The following NCR1 variants were observed in gnomAD, a reference collection of about 807,000 sequenced individuals.
NCR1 encodes natural cytotoxicity triggering receptor 1.
Under a neutral mutation model 32.5 loss-of-function variants are expected in NCR1, and 30 were observed. The ratio of observed to expected loss-of-function variants is 0.92; its 90% CI spans 0.69 to 1.25. The LOEUF (loss-of-function observed/expected upper bound fraction) is 1.25. Among genes scored for constraint, NCR1 ranks in the 50% most tolerant of loss-of-function variants. The probability of loss-of-function intolerance (pLI) is 0.00; values close to 1 mark genes in which losing one functional copy is unlikely to be tolerated. For synonymous variants in NCR1, 169 were observed against 143.4 expected, an observed-to-expected ratio of 1.18 and a Z score of -1.28; for missense variants, 369 against 380.7, an observed-to-expected ratio of 0.97 and a Z score of 0.26.
At chr19:54,919,921 T>G (rs2068215795), downstream of NCR1, among the ~76,000 whole-genome samples, 1 of 152,148 alleles carries the variant, frequency 6.6e-6, no homozygotes, top group Admixed American at 6.5e-5. Context: ...CACACCTCAC[T>G]ATGTCCCCTC....
chr19:54,937,664 G>A, the NCR1 span, among the ~76,000 whole-genome samples: 3 of 152,176 alleles, frequency 2.0e-5, no homozygotes, highest in South Asian at 4.2e-4. Context: ...TTGGAAGGCC[G>A]AGGCAGGCAA....
chr19:54,916,501 T>C (rs2068137238), downstream of NCR1, among the ~76,000 whole-genome samples: 1 of 150,636 alleles, frequency 6.6e-6, no homozygotes. Flanking sequence ...GTATTTTTAG[T>C]AGAGACGGGG....
the NCR1 span, among the ~76,000 whole-genome samples, chr19:54,937,263 A>G: frequency 3.9e-5 from 6 of 151,922 alleles, no homozygotes; most frequent in African/African-American, 1.4e-4. Context: ...AAAAACAACT[A>G]AGGGGTACTA....
chr19:54,916,329 T>TG (rs2068132965), downstream of NCR1, among the ~76,000 whole-genome samples: 1 of 142,152 alleles, frequency 7.0e-6, no homozygotes, highest in Non-Finnish European at 1.5e-5. Flanking sequence ...TTTTTTTTTT[T>TG]TTTTTTTTTG....
chr19:54,907,406 C>T (rs1278750220), intron 3 of NCR1, among the ~76,000 whole-genome samples: 2 of 150,210 alleles, frequency 1.3e-5, no homozygotes, highest in East Asian at 1.9e-4. Context: ...CCGCCTCACC[C>T]TCCCAAAGTG....
Position 54,906,227 on chromosome 19 carries a change from T to G in NCR1, c.34+6T>G, listed in dbSNP as rs1288369371. 5 of 1,614,138 alleles carry G rather than the reference T, an allele frequency of 3.1e-6. No individual in the cohort carries two copies. The highest frequency in any genetic ancestry group is 8.5e-7 in the Non-Finnish European group (1 of 1,180,036). On this transcript the variant is annotated splice_donor_region_variant and intron_variant, in intron 1 of 6. Transcript: ENST00000291890. The stretch of plus-strand genomic sequence containing the variant: ...CCCTGCCCTGCTCTGCGTCGGTGAG[T>G]TCTGGCGTGGAAGGGGAATGGGATC...
chr19:54,906,374 T>A (rs952796493), intron 2 of NCR1, 40 bp downstream of exon 2: 6 of 1,609,006 alleles, frequency 3.7e-6, no homozygotes, highest in Non-Finnish European at 5.1e-6. Flanking sequence ...CTCTTCCGGA[T>A]TCAGGCCAAG....
rs375046700 is a variant in NCR1, at chr19:54,912,720, A to G, written c.764A>G (p.Asn255Ser). The G allele has an allele frequency of 9.3e-6, 15 of 1,613,280 alleles. No individual in the cohort carries two copies. Among genetic ancestry groups the G allele is most frequent in the South Asian group, 3.3e-5 (3 of 91,038 alleles). ...DHALWDHTAQ[N>S]LLRMGLAFLV... ...GCCCTCTGGGATCACACTGCCCAGA[A>G]TCTCCTTCGGATGGGCCTGGCCTTT... is the stretch of plus-strand genomic sequence containing the variant. Residue 255 changes from asparagine to serine, a missense_variant, in exon 7 of 7, where the codon AAT (asparagine) becomes AGT (serine). Coordinates refer to ENST00000291890, the MANE Select transcript of NCR1 (RefSeq NM_004829.7).
At chr19:54,922,178 C>A in the NCR1 span, among the ~76,000 whole-genome samples, 1 of 152,122 alleles carries the variant, frequency 6.6e-6, no homozygotes, top group Admixed American at 6.6e-5. Flanking sequence ...CAGGTGTGAG[C>A]CACAGCGCCT....
chr19:54,911,687 T>G (rs2146085080), intron 5 of NCR1, among the ~76,000 whole-genome samples: 1 of 151,782 alleles, frequency 6.6e-6, no homozygotes, highest in African/African-American at 2.4e-5. Flanking sequence ...GAGGCGGAGG[T>G]TGCAGTGAGC....
chr19:54,929,396 G>GT, the NCR1 span, among the ~76,000 whole-genome samples: 39 of 103,942 alleles, frequency 3.8e-4, no homozygotes, highest in African/African-American at 1.2e-3. Flanking sequence ...GTGTTCTAGT[G>GT]TTTTTTTTCT....
At chr19:54,937,947 T>C in the NCR1 span, 2 of 805,498 alleles carry the variant, frequency 2.5e-6, no homozygotes. Flanking sequence ...CCCAAATACA[T>C]GGAGATGAAA....
chr19:54,915,023 G>T (rs775834), downstream of NCR1, among the ~76,000 whole-genome samples: 1 of 151,824 alleles, frequency 6.6e-6, no homozygotes, highest in Non-Finnish European at 1.5e-5. Flanking sequence ...GATTACAGGC[G>T]TGAGCCACTG....
chr19:54,908,299 T>C (rs1465943569), intron 3 of NCR1, among the ~76,000 whole-genome samples: 2 of 151,974 alleles, frequency 1.3e-5, no homozygotes, highest in Non-Finnish European at 2.9e-5. Context: ...GAGCACGGGG[T>C]TGGGGGTAAG....
the NCR1 span, chr19:54,923,794 A>G: frequency 1.2e-6 from 2 of 1,614,080 alleles, no homozygotes; most frequent in Non-Finnish European, 1.7e-6. Flanking sequence ...CATTGCAATC[A>G]ATAGTCAGCT....
rs768519312 is a variant in NCR1 at position 54,909,378 on chromosome 19, C to T, written c.489C>T (p.His163=). 2.5e-6 allele frequency: 4 copies of T among 1,613,956 alleles called. No homozygotes were observed. The highest frequency in any genetic ancestry group is 3.4e-6 in the Non-Finnish European group (4 of 1,180,036). ...FLLLKEGRSS[H]VQRGYGKVQA... ...TGCTCAAGGAGGGAAGATCCAGCCA[C>T]GTACAGCGCGGATACGGGAAGGTCC... Residue 163 remains histidine (H), a synonymous_variant, in exon 4 of 7, where the codon CAC becomes CAT. Coordinates refer to ENST00000291890, the MANE Select transcript of NCR1 (RefSeq NM_004829.7).
chr19:54,921,921 A>G, the NCR1 span, among the ~76,000 whole-genome samples: 1 of 148,768 alleles, frequency 6.7e-6, no homozygotes, highest in Non-Finnish European at 1.5e-5. Context: ...TCGAGACAAG[A>G]GTTTTGCTCT....
At chr19:54,923,001 G>C in the NCR1 span, among the ~76,000 whole-genome samples, 28 of 152,058 alleles carry the variant, frequency 1.8e-4, no homozygotes, top group African/African-American at 4.8e-4. Context: ...CACACACACA[G>C]AGAGTAGGAG....
chr19:54,930,872 A>G, the NCR1 span, among the ~76,000 whole-genome samples: 3 of 151,978 alleles, frequency 2.0e-5, no homozygotes, highest in Non-Finnish European at 2.9e-5. Flanking sequence ...CCCGCCACCT[A>G]TATAACCAGA....
Sources: gnomAD v4.1 joint callset for allele counts (sites outside exome capture counted in the v4.1 genomes callset) on GRCh38, gnomAD v4.1.1 for gene constraint, MANE v1.5 for transcripts, NCBI Gene and HGNC (gene_info 2026-07-23, HGNC 2026-07-21) for gene names.